Variants in MSRA observed in about 807,000 individuals in gnomAD.
MSRA encodes mitochondrial peptide methionine sulfoxide reductase.
A neutral mutation model predicts 31.3 loss-of-function variants in MSRA; 54 were observed. The observed-to-expected ratio is 1.73, with a 90% confidence interval of 1.39 to 2.17. The LOEUF (loss-of-function observed/expected upper bound fraction) is 2.17. MSRA is among the 30% of genes most tolerant of loss of function. The pLI, the probability that MSRA is intolerant of heterozygous loss-of-function variation, is 0.00. For missense variants in MSRA, 507 were observed against 300.9 expected (o/e 1.69, Z -5.07); for synonymous variants, 169 against 116.5 (o/e 1.45, Z -2.90).
chr8:10,182,957 C>T (rs1476116777), intron 1 of MSRA, among the ~76,000 whole-genome samples: 1 of 152,198 alleles, frequency 6.6e-6, no homozygotes. Flanking sequence ...CCCTTTACAT[C>T]AGCATGCCTT....
At chr8:10,397,675 A>G (rs575108281) in intron 5 of MSRA, among the ~76,000 whole-genome samples, 2 of 152,318 alleles carry the variant, frequency 1.3e-5, no homozygotes, top group East Asian at 1.9e-4. Flanking sequence ...AGTGAAAATC[A>G]TTTCGTCTTC....
chr8:10,225,699 C>T (rs1810940319), intron 2 of MSRA, among the ~76,000 whole-genome samples: 1 of 152,078 alleles, frequency 6.6e-6, no homozygotes, highest in South Asian at 2.1e-4. Flanking sequence ...TGCCAGCTCT[C>T]GTTTTGATGT....
chr8:10,274,438 G>C (rs75715975), intron 3 of MSRA, among the ~76,000 whole-genome samples: 1 of 152,102 alleles, frequency 6.6e-6, no homozygotes, highest in Non-Finnish European at 1.5e-5. Context: ...CCATTATCCT[G>C]ACACTAAGAG....
At chr8:10,151,888 G>A (rs898185251) in intron 1 of MSRA, among the ~76,000 whole-genome samples, 1 of 152,166 alleles carries the variant, frequency 6.6e-6, no homozygotes, top group African/African-American at 2.4e-5. Flanking sequence ...AGGTTACCTG[G>A]CCTTTTTAAG....
chr8:10,426,565 C>T (rs897526122), intron 5 of MSRA, among the ~76,000 whole-genome samples: 5 of 151,684 alleles, frequency 3.3e-5, no homozygotes, highest in Admixed American at 6.5e-5. Context: ...TGCCAAATTT[C>T]GTGTGAGTTT....
chr8:10,240,633 G>A (rs886413366), intron 2 of MSRA, among the ~76,000 whole-genome samples: 2 of 152,078 alleles, frequency 1.3e-5, no homozygotes, highest in Non-Finnish European at 2.9e-5. Flanking sequence ...CTCTGACTAG[G>A]CAGCCAAGCC....
In MSRA at chr8:10,095,493, C is replaced by G. The variant is rs931980615; in HGVS notation, c.142+40835C>G. 1.8e-5 allele frequency: 18 copies of G among 985,328 alleles called. No individual in the cohort carries two copies. The African/African-American group carries it at 1.9e-4, about 11-fold the overall frequency. 61.0% of individuals were successfully genotyped at this position (985,328 alleles called of 1,614,324 possible). A position where few individuals can be genotyped will look rare whatever the true frequency, so the allele number is the denominator to read the frequency against. On this transcript the variant is annotated intron_variant, in intron 1 of 5. Transcript: ENST00000317173. ...TTTTGGAGACAAGAATTCAGACAGACTGGCACAGCCTGGACCTCCGCCAAG... is the reference window on the plus strand; with the variant it reads ...TTTTGGAGACAAGAATTCAGACAGAGTGGCACAGCCTGGACCTCCGCCAAG...
At chr8:10,194,912 C>T (rs947322658) in intron 1 of MSRA, among the ~76,000 whole-genome samples, 12 of 152,112 alleles carry the variant, frequency 7.9e-5, no homozygotes, top group South Asian at 2.1e-4. Context: ...TTTTTATTTC[C>T]GTTTCTGAAA....
chr8:10,285,703 C>A (rs772847374), intron 3 of MSRA, among the ~76,000 whole-genome samples: 36 of 151,904 alleles, frequency 2.4e-4, no homozygotes, highest in Non-Finnish European at 2.5e-4. Flanking sequence ...TCTATAAGAT[C>A]AACTTTTTCA....
At chr8:10,316,692 A>G (rs1801746756) in intron 4 of MSRA, among the ~76,000 whole-genome samples, 2 of 152,104 alleles carry the variant, frequency 1.3e-5, no homozygotes, top group African/African-American at 4.8e-5. Flanking sequence ...TAAAATGGAC[A>G]GGATTAAGTT....
intron 5 of MSRA, among the ~76,000 whole-genome samples, chr8:10,373,960 C>A (rs1001067941): frequency 7.9e-5 from 12 of 152,202 alleles, no homozygotes; most frequent in Admixed American, 2.0e-4. Context: ...AGACTGTGGG[C>A]TGGACCCAAG....
chr8:10,303,244 G>A (rs1800943177), intron 4 of MSRA, among the ~76,000 whole-genome samples: 1 of 152,198 alleles, frequency 6.6e-6, no homozygotes, highest in Admixed American at 6.5e-5. Context: ...CTTAGGCTTA[G>A]GCCTGGCAGA....
intron 3 of MSRA, among the ~76,000 whole-genome samples, chr8:10,292,636 CG>C (rs1335531847): frequency 6.6e-6 from 1 of 152,204 alleles, no homozygotes; most frequent in African/African-American, 2.4e-5. Flanking sequence ...TCGCAGTGGC[CG>C]GGCTCTCTCC....
chr8:10,245,468 A>G (rs1797574906), intron 3 of MSRA, among the ~76,000 whole-genome samples: 1 of 152,236 alleles, frequency 6.6e-6, no homozygotes, highest in South Asian at 2.1e-4. Flanking sequence ...GTGGCTTAAA[A>G]CAGTCATTTT....
chr8:10,323,768 G>GTGTGTGTGTC (rs1563350938), intron 5 of MSRA, among the ~76,000 whole-genome samples: 1 of 151,556 alleles, frequency 6.6e-6, no homozygotes, highest in Non-Finnish European at 1.5e-5. Flanking sequence ...GTGTGTGTGT[G>GTGTGTGTGTC]TGTGTGTCTG....
At chr8:10,399,595 A>T (rs1807315960) in intron 5 of MSRA, among the ~76,000 whole-genome samples, 1 of 152,232 alleles carries the variant, frequency 6.6e-6, no homozygotes. Context: ...CACCATGCTT[A>T]TATAGCCAGC....
At chr8:10,332,794 T>C (rs913002383) in intron 5 of MSRA, among the ~76,000 whole-genome samples, 5 of 152,186 alleles carry the variant, frequency 3.3e-5, no homozygotes, top group African/African-American at 1.2e-4. Flanking sequence ...TGTTCATTAA[T>C]AGGGGGTGGG....
At chr8:10,229,358 C>G (rs1056617257) in intron 2 of MSRA, among the ~76,000 whole-genome samples, 2 of 152,296 alleles carry the variant, frequency 1.3e-5, no homozygotes, top group East Asian at 1.9e-4. Context: ...GAGTTTTATG[C>G]TTGAGAAATG....
chr8:10,063,469 G>C (rs1209506854), intron 1 of MSRA, among the ~76,000 whole-genome samples: 1 of 152,136 alleles, frequency 6.6e-6, no homozygotes, highest in African/African-American at 2.4e-5. Flanking sequence ...CCACCCCGAG[G>C]CTGGCTCCTG....
Sources: gnomAD v4.1 joint callset for allele counts (sites outside exome capture counted in the v4.1 genomes callset) on GRCh38, gnomAD v4.1.1 for gene constraint, MANE v1.5 for transcripts, NCBI Gene and HGNC (gene_info 2026-07-23, HGNC 2026-07-21) for gene names.